TPCN2: variants seen among roughly 807,000 people sequenced by gnomAD.
TPCN2 encodes two pore channel protein 2.
TPCN2 carries 92 observed loss-of-function variants against 111.4 expected under a neutral mutation model. The observed-to-expected ratio is 0.83, with a 90% CI of 0.70 to 0.98. The LOEUF (loss-of-function observed/expected upper bound fraction) is 0.98, where lower values mean the gene tolerates loss of function less well. Among genes scored for constraint, TPCN2 ranks in the 50% least tolerant of loss-of-function variants. The probability of loss-of-function intolerance (pLI) is 0.00; values close to 1 mark genes in which losing one functional copy is unlikely to be tolerated. For synonymous variants in TPCN2, 405 were observed against 414.5 expected (o/e 0.98, Z 0.28); for missense variants, 995 against 980.1 (o/e 1.02, Z -0.20).
At chr11:69,055,841 T>C (rs1036685534) in intron 4 of TPCN2, among the ~76,000 whole-genome samples, 2 of 152,168 alleles carry the variant, frequency 1.3e-5, no homozygotes, top group East Asian at 1.9e-4. Context: ...CCCAAGTGAA[T>C]AAGTGAGGCC....
chr11:69,064,706 G>A (rs531651270), intron 7 of TPCN2, among the ~76,000 whole-genome samples: 14 of 152,354 alleles, frequency 9.2e-5, no homozygotes, highest in Non-Finnish European at 8.8e-5. Context: ...GTTTGTGGCC[G>A]TGTTGGGGTT....
In TPCN2 at chr11:69,087,875, G is replaced by A. The variant is rs777144993; in HGVS notation, c.2181G>A (p.Arg727=). The change falls in exon 25 of 25, where the codon AGG becomes AGA. Residue 727 remains arginine (R), a splice_region_variant and synonymous_variant. Coordinates refer to ENST00000294309, the MANE Select transcript of TPCN2 (RefSeq NM_139075.4). ...TGTGCATCTTTCCTCAATTCCACAG[G>A]GATATTCTGGAGGAGCCCGGGGAGG... ...TYQMTVELLF[R]DILEEPGEDE... The A allele has an allele frequency of 6.2e-7, 1 of 1,612,430 alleles. No individual in the cohort carries two copies. Among genetic ancestry groups the A allele is most frequent in the East Asian group, 2.2e-5 (1 of 44,868 alleles).
intron 19 of TPCN2, chr11:69,084,750 C>T (rs746650197): frequency 1.4e-4 from 137 of 985,418 alleles, no homozygotes; most frequent in South Asian, 5.6e-4. Context: ...CTGTGCCTCG[C>T]GCCTCTGGAA....
chr11:69,070,667 G>C (rs887157420), intron 9 of TPCN2, among the ~76,000 whole-genome samples, 172 bp downstream of exon 9: 1 of 149,460 alleles, frequency 6.7e-6, no homozygotes, highest in Admixed American at 6.7e-5. Flanking sequence ...CCCACCAACA[G>C]CTTCACCCGA....
intron 1 of TPCN2, among the ~76,000 whole-genome samples, chr11:69,051,944 G>T (rs1163176836): frequency 6.6e-6 from 1 of 152,156 alleles, no homozygotes; most frequent in Non-Finnish European, 1.5e-5. Context: ...GTGGAGTGTG[G>T]GCCTGGAATA....
At chr11:69,083,739 GTA>G (rs1296114574) in intron 18 of TPCN2, among the ~76,000 whole-genome samples, 8 of 152,292 alleles carry the variant, frequency 5.3e-5, no homozygotes, top group African/African-American at 1.4e-4. Flanking sequence ...GCGAGGGTGT[GTA>G]TGGGTGGACG....
Position 69,088,352 on chromosome 11 carries a change from T to C in TPCN2, c.*399T>C. ...GGCCTGCACAGGTTAACCGTCAGAC[T>C]TCCGGGGCATTCAGGTGGGGATGCT... On this transcript the variant is annotated 3_prime_UTR_variant, in exon 25 of 25. Coordinates refer to ENST00000294309, the MANE Select transcript of TPCN2 (RefSeq NM_139075.4). The C allele has an allele frequency of 5.6e-6, 1 of 179,060 alleles. No homozygotes were observed. Among genetic ancestry groups the C allele is most frequent in the Middle Eastern group, 2.3e-3 (1 of 428 alleles). The allele number at this position is 179,060 out of a possible 1,614,324, so 11.1% of individuals were successfully genotyped here. A position where few individuals can be genotyped will look rare whatever the true frequency, so the allele number is the denominator to read the frequency against.
At position 69,081,411 on chromosome 11, in the gene TPCN2, T is replaced by C. The variant is rs1856004566; in HGVS notation, c.1601T>C (p.Met534Thr). Residue 534 changes from methionine to threonine, a missense_variant, in exon 18 of 25, where the codon ATG becomes ACG. By Grantham distance (81) the Met-to-Thr change is moderately conservative (BLOSUM62 -1). Transcript: ENST00000294309. ...RLPHPGWRPE[M>T]VGLLSLWDMT... ...GTGTCTCTCCCCAGGAGGCCGGAGA[T>C]GGTGGGCCTGCTGTCGCTGTGGGAC... The C allele has an allele frequency of 6.4e-7, 1 of 1,554,990 alleles. No homozygotes were observed. The highest frequency in any genetic ancestry group is 2.4e-5 in the East Asian group (1 of 41,770).
intron 13 of TPCN2, among the ~76,000 whole-genome samples, chr11:69,076,304 A>G (rs930263937): frequency 3.3e-5 from 5 of 152,158 alleles, no homozygotes; most frequent in Non-Finnish European, 5.9e-5. Context: ...CAGCAGGCCC[A>G]GGCTGTGAGC....
At position 69,068,377 on chromosome 11, in the gene TPCN2, C is replaced by T. The variant is rs77021848; in HGVS notation, c.829+772C>T. On this transcript the variant is annotated intron_variant, in intron 8 of 24. Transcript: ENST00000294309. Reference sequence around the variant, plus strand: ...GACCGTCTGAGTCCTAGGAAGTGACCGCAGTGGGAGCAGGACCGTCTGAGT... The same window carrying T: ...GACCGTCTGAGTCCTAGGAAGTGACTGCAGTGGGAGCAGGACCGTCTGAGT... Among the ~76,000 whole-genome samples, 8 of 79,886 alleles carry T rather than the reference C, an allele frequency of 1.0e-4. No individual in the cohort carries two copies. The East Asian group carries it at 2.0e-3, about 20-fold the overall frequency. The allele number at this position is 79,886 out of a possible 152,430, so 52.4% of individuals were successfully genotyped here. A position where few individuals can be genotyped will look rare whatever the true frequency, so the allele number is the denominator to read the frequency against.
At chr11:69,049,827 C>T (rs1232957746) in intron 1 of TPCN2, among the ~76,000 whole-genome samples, 2 of 152,188 alleles carry the variant, frequency 1.3e-5, no homozygotes, top group African/African-American at 4.8e-5. Flanking sequence ...CCGCCCCTCG[C>T]TGACACCAGG....
rs904325873 is a variant in TPCN2, at chr11:69,088,753, C to G, written c.*800C>G. On this transcript the variant is annotated 3_prime_UTR_variant, in exon 25 of 25. Transcript: ENST00000294309. ...GGGGGCCTGGGGTGGGGAGGTGGGG[C>G]GAGCGAGCAGTGTGTGGAAAGCCTT... The G allele has an allele frequency of 6.6e-6, 1 of 152,034 alleles. No homozygotes were observed. The highest frequency in any genetic ancestry group is 2.4e-5 in the African/African-American group (1 of 41,354). The allele number at this position is 152,034 out of a possible 1,614,324, so 9.4% of individuals were successfully genotyped here.
intron 4 of TPCN2, 104 bp from the exon 5 acceptor site, chr11:69,057,474 A>C (rs1590708526): frequency 9.1e-7 from 1 of 1,100,618 alleles, no homozygotes; most frequent in Non-Finnish European, 1.4e-6. Flanking sequence ...GTGGAGGCGC[A>C]CCCTGCTCTG....
intron 6 of TPCN2, 114 bp downstream of exon 6, chr11:69,063,104 T>A: frequency 1.1e-6 from 1 of 901,458 alleles, no homozygotes; most frequent in Non-Finnish European, 1.8e-6. Context: ...GTGCTCCGCA[T>A]CCCTGGCTGG....
rs1393733462 is a variant in TPCN2 at position 69,055,307 on chromosome 11, C to T, written c.384C>T (p.Val128=). The T allele has an allele frequency of 6.8e-6, 11 of 1,613,334 alleles. No homozygotes were observed. The Admixed American group carries it at 8.3e-5, about 12-fold the overall frequency. The change falls in exon 4 of 25, where the codon GTC becomes GTT. Residue 128 remains valine, a synonymous_variant. Transcript: ENST00000294309. ...CGCCCTGCGGCCTGACCGAGAGTGT[C>T]GAGGTGCTCTGCCTGCTGGTCTTTG... ...WEPPCGLTES[V]EVLCLLVFAA...
intron 11 of TPCN2, 96 bp from the exon 12 acceptor site, chr11:69,072,531 A>C: frequency 7.8e-7 from 1 of 1,281,082 alleles, no homozygotes. Context: ...CTTCATGGCA[A>C]AGCTCAAGCC....
At chr11:69,067,802 C>T (rs1855338349) in intron 8 of TPCN2, among the ~76,000 whole-genome samples, 197 bp downstream of exon 8, 1 of 152,296 alleles carries the variant, frequency 6.6e-6, no homozygotes, top group Non-Finnish European at 1.5e-5. Flanking sequence ...TCTTCTCCCT[C>T]TCTCTTGTCC....
rs1856156074 is a variant in TPCN2 at position 69,083,952 on chromosome 11, C to G, written c.1697C>G (p.Ala566Gly). The G allele has an allele frequency of 6.2e-7, 1 of 1,613,940 alleles. No homozygotes were observed. The highest frequency in any genetic ancestry group is 8.5e-7 in the Non-Finnish European group (1 of 1,180,004). ...LRIIPSMKLM[A>G]VVASTVLGLV... is the part of the protein sequence containing the mutation. The stretch of plus-strand genomic sequence containing the variant: ...CTCTCTTCCTGTCCTCAGCTGATGG[C>G]CGTGGTGGCCAGTACCGTCCTGGGC... Residue 566 changes from alanine to glycine, a missense_variant, in exon 19 of 25, where the codon GCC (alanine) becomes GGC (glycine). Coordinates refer to ENST00000294309, the MANE Select transcript of TPCN2 (RefSeq NM_139075.4).
rs1854686599 is a variant in TPCN2, at chr11:69,054,891, C to T, written c.251+94C>T. 5 of 1,299,954 alleles carry T rather than the reference C, an allele frequency of 3.8e-6. No individual in the cohort carries two copies. In the Admixed American group the frequency reaches 9.6e-5, roughly 25 times the overall value. The allele number at this position is 1,299,954 out of a possible 1,614,324, so 80.5% of individuals were successfully genotyped here. A position where few individuals can be genotyped will look rare whatever the true frequency, so the allele number is the denominator to read the frequency against. On this transcript the variant is annotated intron_variant, in intron 3 of 24. Transcript: ENST00000294309. ...CTGGGGATCACCTGGTCTCAGGGTC[C>T]AGGCAGGCTCCCCACTACATAGATA...
Sources: gnomAD v4.1 joint callset for allele counts (sites outside exome capture counted in the v4.1 genomes callset) on GRCh38, gnomAD v4.1.1 for gene constraint, MANE v1.5 for transcripts, NCBI Gene and HGNC (gene_info 2026-07-23, HGNC 2026-07-21) for gene names.